DPY30: variants seen among roughly 807,000 people sequenced by gnomAD.
DPY30 encodes the protein dpy-30 histone methyltransferase complex regulatory subunit.
DPY30 carries 6 observed loss-of-function variants against 16.2 expected under a neutral mutation model. That is an observed-to-expected ratio of 0.37 (90% CI 0.20 to 0.73). The LOEUF is 0.73. DPY30 is among the 30% of genes least tolerant of loss of function. The pLI is 0.51. For missense variants in DPY30, 73 were observed against 113.1 expected (o/e 0.65, Z 1.61); for synonymous variants, 39 against 38.8 (o/e 1.00, Z -0.02).
chr2:32,024,557 G>A (rs974006562), intron 4 of DPY30, among the ~76,000 whole-genome samples: 3 of 152,284 alleles, frequency 2.0e-5, no homozygotes, highest in Admixed American at 6.5e-5. Context: ...ATGACTTGAA[G>A]GGGTCACATG....
At chr2:32,034,786 G>T (rs569079617) in intron 3 of DPY30, among the ~76,000 whole-genome samples, 15 of 152,126 alleles carry the variant, frequency 9.9e-5, no homozygotes, top group Admixed American at 6.6e-4. Flanking sequence ...ATCACCTTAG[G>T]TCAGGAGTTT....
Position 32,035,605 on chromosome 2 carries a change from C to T in DPY30, c.84+3674G>A, listed in dbSNP as rs1283114355. Reference sequence around the variant, plus strand: ...TTTCATCTTATTAAAAAAAAAAAAACATTTATAATATATTCTATAAGTTCA... The same window carrying T: ...TTTCATCTTATTAAAAAAAAAAAAATATTTATAATATATTCTATAAGTTCA... On this transcript the variant is annotated intron_variant, in intron 3 of 4. Transcript: ENST00000342166. 2.7e-5 allele frequency among the ~76,000 whole-genome samples: 4 copies of T among 147,554 alleles called. No homozygotes were observed. The East Asian group carries it at 8.0e-4, about 30-fold the overall frequency.
intron 5 of DPY30, among the ~76,000 whole-genome samples, chr2:32,014,613 A>G (rs1412254117): frequency 6.6e-6 from 1 of 151,920 alleles, no homozygotes; most frequent in Non-Finnish European, 1.5e-5. Context: ...CCTCCCGCGT[A>G]GCTGGGACTA....
Position 32,024,030 on chromosome 2 carries a change from G to A in DPY30, c.*154C>T, listed in dbSNP as rs779310062. On this transcript the variant is annotated 3_prime_UTR_variant, in exon 5 of 5. Transcript: ENST00000342166. ...TTATGGTGATTAAATCAAAATAAGG[G>A]AAATATGTTATCTTCTGCAATTCCA... The A allele has an allele frequency of 8.2e-5, 122 of 1,479,810 alleles. No homozygotes were observed. Among genetic ancestry groups the A allele is most frequent in the Middle Eastern group, 1.9e-4 (1 of 5,342 alleles). The allele number at this position is 1,479,810 out of a possible 1,614,324, so 91.7% of individuals were successfully genotyped here.
At chr2:32,028,918 T>G (rs1382438450) in intron 4 of DPY30, among the ~76,000 whole-genome samples, 1 of 151,772 alleles carries the variant, frequency 6.6e-6, no homozygotes, top group African/African-American at 2.4e-5. Flanking sequence ...GAGCCAGGGT[T>G]GCACCACTGC....
At chr2:32,034,048 G>C (rs1675646967) in intron 3 of DPY30, among the ~76,000 whole-genome samples, 2 of 152,068 alleles carry the variant, frequency 1.3e-5, no homozygotes, top group Admixed American at 6.6e-5. Flanking sequence ...TGAAAATTCT[G>C]GAAGACCAAA....
chr2:32,024,841 C>T (rs11887441), intron 4 of DPY30, among the ~76,000 whole-genome samples: 20,544 of 152,048 alleles, frequency 0.14, 1,547 homozygotes, highest in Middle Eastern at 0.25. Flanking sequence ...TTTCTTTCTT[C>T]GAATAATTTA....
At chr2:32,037,065 C>T (rs1675771672) in intron 3 of DPY30, among the ~76,000 whole-genome samples, 1 of 152,158 alleles carries the variant, frequency 6.6e-6, no homozygotes, top group Admixed American at 6.6e-5. Context: ...GGCAAAATAT[C>T]TTCTAAAAAC....
At chr2:32,014,114 C>T (rs1675019419) in intron 5 of DPY30, among the ~76,000 whole-genome samples, 1 of 152,116 alleles carries the variant, frequency 6.6e-6, no homozygotes, top group African/African-American at 2.4e-5. Flanking sequence ...TCAGTAGTAG[C>T]AAACAACTAG....
Position 32,024,145 on chromosome 2 carries a change from C to A in DPY30, c.*39G>T. On this transcript the variant is annotated 3_prime_UTR_variant, in exon 5 of 5. Transcript: ENST00000342166. ...AAAGCTGCCTCTTAATCATGTAAAT[C>A]TACAGTAGCAACTAAATTTTTCTGT... is the stretch of plus-strand genomic sequence containing the variant. 6.3e-7 allele frequency: 1 copy of A among 1,597,524 alleles called. No homozygotes were observed. The highest frequency in any genetic ancestry group is 8.5e-7 in the Non-Finnish European group (1 of 1,171,326).
chr2:32,020,770 A>G (rs1352478092), downstream of DPY30, among the ~76,000 whole-genome samples: 6 of 152,122 alleles, frequency 3.9e-5, no homozygotes, highest in Non-Finnish European at 8.8e-5. Context: ...ATGACAACTC[A>G]CGTAAATATT....
intron 5 of DPY30, among the ~76,000 whole-genome samples, chr2:32,017,338 T>C (rs1181039285): frequency 2.0e-5 from 3 of 151,934 alleles, no homozygotes; most frequent in African/African-American, 7.2e-5. Flanking sequence ...AACTCTCAGC[T>C]GGGGGTGGTG....
At chr2:32,035,107 TAA>T (rs770273592) in intron 3 of DPY30, among the ~76,000 whole-genome samples, 15 of 135,386 alleles carry the variant, frequency 1.1e-4, no homozygotes, top group Non-Finnish European at 9.6e-5. Context: ...AGACTCCATT[TAA>T]AAAAAAAAAA....
intron 3 of DPY30, among the ~76,000 whole-genome samples, chr2:32,038,035 C>G (rs1471456258): frequency 6.6e-6 from 1 of 151,822 alleles, no homozygotes; most frequent in Non-Finnish European, 1.5e-5. Flanking sequence ...AGTTCAGTAA[C>G]TTGTTCAAGA....
intron 4 of DPY30, among the ~76,000 whole-genome samples, chr2:32,028,239 C>G (rs1675407759): frequency 6.6e-6 from 1 of 151,578 alleles, no homozygotes; most frequent in Non-Finnish European, 1.5e-5. Flanking sequence ...ACCTTGGCCT[C>G]CCAAGCAGTG....
intron 5 of DPY30, among the ~76,000 whole-genome samples, chr2:32,016,592 G>C (rs140144939): frequency 6.6e-6 from 1 of 152,088 alleles, no homozygotes; most frequent in Non-Finnish European, 1.5e-5. Flanking sequence ...AGCTGCATCA[G>C]AACTAGGTAG....
downstream of DPY30, among the ~76,000 whole-genome samples, chr2:32,019,097 CTATT>C (rs749548226): frequency 3.9e-5 from 6 of 152,052 alleles, no homozygotes; most frequent in African/African-American, 9.7e-5. Context: ...TTTTATTTAT[CTATT>C]TATTTATTTT....
chr2:32,029,864 A>G, intron 3 of DPY30, 128 bp from the exon 4 acceptor site: 1 of 959,064 alleles, frequency 1.0e-6, no homozygotes, highest in South Asian at 1.7e-5. Flanking sequence ...ATGGTACTAG[A>G]CCACAAACTT....
intron 2 of DPY30, 39 bp from the exon 3 acceptor site, chr2:32,039,365 C>G (rs774431373): frequency 1.9e-6 from 3 of 1,614,142 alleles, no homozygotes; most frequent in Non-Finnish European, 2.5e-6. Context: ...TATAAGTCCC[C>G]CCTTTCTCGC....
Sources: gnomAD v4.1 joint callset for allele counts (sites outside exome capture counted in the v4.1 genomes callset) on GRCh38, gnomAD v4.1.1 for gene constraint, MANE v1.5 for transcripts, NCBI Gene and HGNC (gene_info 2026-07-23, HGNC 2026-07-21) for gene names.